KCNH1: variants seen among roughly 807,000 people sequenced by gnomAD.
The protein encoded by KCNH1 is voltage-gated delayed rectifier potassium channel KCNH1.
A neutral mutation model predicts 69.2 loss-of-function variants in KCNH1; 27 were observed. The observed-to-expected ratio is 0.39, with a 90% CI of 0.29 to 0.54. The LOEUF is 0.54. Ranked by LOEUF, KCNH1 falls within the 20% of genes least tolerant of loss-of-function variation. The pLI, the probability that KCNH1 is intolerant of heterozygous loss-of-function variation, is 0.68. For missense variants in KCNH1, 798 were observed against 1,261.6 expected, an observed-to-expected ratio of 0.63 and a Z score of 5.57; for synonymous variants, 456 against 487.7, an observed-to-expected ratio of 0.93 and a Z score of 0.86.
chr1:211,084,273 C>T (rs1432205562), intron 4 of KCNH1, among the ~76,000 whole-genome samples: 1 of 152,272 alleles, frequency 6.6e-6, no homozygotes, highest in East Asian at 1.9e-4. Context: ...TCTACTTCAG[C>T]TTAAAATAAA....
chr1:210,729,494 C>CA (rs539619529), intron 10 of KCNH1, among the ~76,000 whole-genome samples: 56 of 152,304 alleles, frequency 3.7e-4, no homozygotes, highest in African/African-American at 1.3e-3. Flanking sequence ...TGAGCTGTGA[C>CA]ACCACATTTC....
chr1:210,939,414 A>G (rs888153518), intron 6 of KCNH1, among the ~76,000 whole-genome samples: 2 of 152,214 alleles, frequency 1.3e-5, no homozygotes, highest in Admixed American at 6.5e-5. Context: ...TTAGCATTTC[A>G]GGCCCAACAG....
chr1:211,068,925 T>C (rs1259362002), intron 5 of KCNH1, among the ~76,000 whole-genome samples: 1 of 152,142 alleles, frequency 6.6e-6, no homozygotes, highest in Non-Finnish European at 1.5e-5. Flanking sequence ...GGAGGAACCA[T>C]TCATAGGAAG....
intron 7 of KCNH1, chr1:210,861,688 T>C: frequency 1.3e-6 from 1 of 773,934 alleles, no homozygotes; most frequent in Non-Finnish European, 2.4e-6. Flanking sequence ...GAATATTTGT[T>C]TCTGGATGAC....
chr1:210,782,328 C>A (rs182857357), intron 9 of KCNH1, among the ~76,000 whole-genome samples: 1 of 152,214 alleles, frequency 6.6e-6, no homozygotes, highest in African/African-American at 2.4e-5. Flanking sequence ...TGTCCCCACC[C>A]CCTCAAATTT....
intron 7 of KCNH1, among the ~76,000 whole-genome samples, chr1:210,918,122 G>T (rs965331419): frequency 1.3e-5 from 2 of 152,122 alleles, no homozygotes; most frequent in South Asian, 4.1e-4. Context: ...CAGACATGAT[G>T]AGACTGTTGC....
At chr1:211,039,025 C>T (rs1253697339) in intron 5 of KCNH1, among the ~76,000 whole-genome samples, 2 of 152,220 alleles carry the variant, frequency 1.3e-5, no homozygotes, top group African/African-American at 4.8e-5. Context: ...ATGGCAGCCC[C>T]TCCCATCATA....
chr1:210,782,957 T>A (rs962565175), intron 9 of KCNH1, among the ~76,000 whole-genome samples: 1 of 152,236 alleles, frequency 6.6e-6, no homozygotes, highest in African/African-American at 2.4e-5. Flanking sequence ...TACTTTATTA[T>A]GGCAGCTGGA....
chr1:210,948,826 T>C (rs368562063), intron 6 of KCNH1, among the ~76,000 whole-genome samples: 64 of 140,450 alleles, frequency 4.6e-4, no homozygotes, highest in African/African-American at 1.6e-3. Flanking sequence ...AGACTCCATC[T>C]CAAAAAAAAG....
At chr1:210,836,678 C>T (rs1325604936) in intron 7 of KCNH1, among the ~76,000 whole-genome samples, 1 of 152,146 alleles carries the variant, frequency 6.6e-6, no homozygotes, top group African/African-American at 2.4e-5. Context: ...TGGCGTCTCT[C>T]CTCATGGAGC....
chr1:211,030,890 T>C (rs1431408422), intron 5 of KCNH1, among the ~76,000 whole-genome samples: 1 of 151,806 alleles, frequency 6.6e-6, no homozygotes. Flanking sequence ...ATATATAACC[T>C]CAAAACTCAA....
At position 210,874,460 on chromosome 1, in the gene KCNH1, C is replaced by T. The variant is rs79588154; in HGVS notation, c.1462+45180G>A. ...TAGAAAATCTGGCAAACATGCCATA[C>T]TTTCTTCTGTATATACTCCAGAATA... On this transcript the variant is annotated intron_variant, in intron 7 of 10. Transcript: ENST00000271751. Among the ~76,000 whole-genome samples, 690 of 152,332 alleles carry T rather than the reference C, an allele frequency of 4.5e-3. 3 individuals are homozygous for T. Among genetic ancestry groups the T allele is most frequent in the Non-Finnish European group, 7.9e-3 (540 of 68,028 alleles).
chr1:210,991,508 C>A (rs1324304035), intron 6 of KCNH1, among the ~76,000 whole-genome samples: 1 of 151,886 alleles, frequency 6.6e-6, no homozygotes, highest in African/African-American at 2.4e-5. Context: ...TTCAGTTAGA[C>A]AGGAGGAATA....
At chr1:211,063,782 T>A (rs897136231) in intron 5 of KCNH1, 14 of 149,248 alleles carry the variant, frequency 9.4e-5, no homozygotes, top group African/African-American at 3.4e-4. Context: ...GGTAAAAAAA[T>A]TACAGTTAGA....
intron 10 of KCNH1, among the ~76,000 whole-genome samples, chr1:210,734,126 T>C (rs775782677): frequency 1.3e-5 from 2 of 152,172 alleles, no homozygotes; most frequent in East Asian, 1.9e-4. Context: ...AAACTTAAAA[T>C]TGACATATCT....
intron 5 of KCNH1, among the ~76,000 whole-genome samples, chr1:211,049,282 AG>A (rs1383590942): frequency 2.6e-5 from 4 of 152,228 alleles, no homozygotes; most frequent in Non-Finnish European, 5.9e-5. Context: ...AAATTGACTT[AG>A]GTGGTCAGAA....
chr1:210,683,174 G>A lies in KCNH1; in HGVS notation c.*107C>T, dbSNP rs1158228473. 1 of 1,125,312 alleles carries A rather than the reference G, an allele frequency of 8.9e-7. No individual in the cohort carries two copies. The highest frequency in any genetic ancestry group is 2.4e-5 in the East Asian group (1 of 42,444). The allele number at this position is 1,125,312 out of a possible 1,614,324, so 69.7% of individuals were successfully genotyped here. On this transcript the variant is annotated 3_prime_UTR_variant, in exon 11 of 11. Coordinates refer to ENST00000271751, the MANE Select transcript of KCNH1 (RefSeq NM_172362.3). This position sits in a 1 kb window ranked among gnomAD's most constrained non-coding sequence, Gnocchi z 5.7. ...CCACTGGCCCCACTTTTTCTGTTAG[G>A]AAAAGCCTACTTGAAAATTGTTGGT...
At chr1:211,054,407 A>G (rs1397844542) in intron 5 of KCNH1, among the ~76,000 whole-genome samples, 1 of 152,216 alleles carries the variant, frequency 6.6e-6, no homozygotes, top group East Asian at 1.9e-4. Context: ...TGAAAAGACT[A>G]AAAGAATTTA....
chr1:211,035,850 T>C (rs1571596639), intron 5 of KCNH1, among the ~76,000 whole-genome samples: 1 of 152,220 alleles, frequency 6.6e-6, no homozygotes, highest in African/African-American at 2.4e-5. Flanking sequence ...CAAAATACAG[T>C]ACAAATGACT....
Sources: allele counts gnomAD v4.1 joint callset (sites outside exome capture counted in the v4.1 genomes callset), GRCh38; gene constraint gnomAD v4.1.1; non-coding constraint Gnocchi (gnomAD v3.1); transcripts MANE v1.5; gene names NCBI Gene and HGNC (gene_info 2026-07-23, HGNC 2026-07-21).